The following SLC44A5 variants were observed in gnomAD, a reference collection of about 807,000 sequenced individuals.
SLC44A5 encodes the protein solute carrier family 44 member 5, also known as choline transporter-like protein 5.
Under a neutral mutation model 101.8 loss-of-function variants are expected in SLC44A5, and 57 were observed. That is an observed-to-expected ratio of 0.56 (90% CI 0.45 to 0.70). SLC44A5 has a LOEUF of 0.70. Among genes scored for constraint, SLC44A5 ranks in the 30% least tolerant of loss-of-function variants. The pLI, the probability that SLC44A5 is intolerant of heterozygous loss-of-function variation, is 0.00. For synonymous variants in SLC44A5, 281 were observed against 290.9 expected (o/e 0.97, Z 0.35); for missense variants, 737 against 853.1 (o/e 0.86, Z 1.70).
intron 2 of SLC44A5, among the ~76,000 whole-genome samples, chr1:75,535,173 T>A (rs761229076): frequency 6.6e-6 from 1 of 152,156 alleles, no homozygotes; most frequent in Admixed American, 6.5e-5. Context: ...GCAGTTCTGT[T>A]ACTTCACAGA....
intron 3 of SLC44A5, among the ~76,000 whole-genome samples, chr1:75,365,539 A>G (rs1227047974): frequency 6.6e-6 from 1 of 152,234 alleles, no homozygotes; most frequent in Non-Finnish European, 1.5e-5. Context: ...ATTACTGGGT[A>G]TATACCCAAA....
chr1:75,511,429 C>G (rs1266709811), intron 2 of SLC44A5, among the ~76,000 whole-genome samples: 1 of 152,102 alleles, frequency 6.6e-6, no homozygotes, highest in Non-Finnish European at 1.5e-5. Flanking sequence ...TGAATAAACA[C>G]AGCTACGATA....
intron 2 of SLC44A5, 72 bp downstream of exon 2, chr1:75,541,363 A>G: frequency 8.8e-7 from 1 of 1,130,384 alleles, no homozygotes; most frequent in Admixed American, 1.8e-5. Flanking sequence ...GTCCTTATTT[A>G]ATATTAAATA....
At chr1:75,306,789 C>T (rs1467211457) in intron 4 of SLC44A5, among the ~76,000 whole-genome samples, 2 of 130,730 alleles carry the variant, frequency 1.5e-5, no homozygotes, top group East Asian at 2.4e-4. Context: ...GGCGGGAGTG[C>T]AGTGGAGCAA....
chr1:75,308,707 G>T (rs897851364), intron 4 of SLC44A5, among the ~76,000 whole-genome samples: 1 of 152,130 alleles, frequency 6.6e-6, no homozygotes, highest in African/African-American at 2.4e-5. Flanking sequence ...AGGTTGAAGG[G>T]AATTCATATC....
In SLC44A5 at chr1:75,355,582, A is replaced by G. The variant is rs1439723778; in HGVS notation, c.53-15952T>C. Among the ~76,000 whole-genome samples, 3 of 152,200 alleles carry G rather than the reference A, an allele frequency of 2.0e-5. No individual in the cohort carries two copies. The East Asian group carries it at 5.8e-4, about 29-fold the overall frequency. On this transcript the variant is annotated intron_variant, in intron 3 of 23. Transcript: ENST00000370859. ...CAAAGAGGTCCTCAATAAAAATTAG[A>G]GTTATGCATCACATAATGATGCTTC... is the stretch of plus-strand genomic sequence containing the variant.
chr1:75,585,534 A>C (rs1379130999), intron 1 of SLC44A5, among the ~76,000 whole-genome samples: 1 of 152,206 alleles, frequency 6.6e-6, no homozygotes, highest in Non-Finnish European at 1.5e-5. Context: ...GTCTGAGGCA[A>C]GACCTGGACA....
chr1:75,701,336 G>A, the SLC44A5 span, among the ~76,000 whole-genome samples: 1 of 152,224 alleles, frequency 6.6e-6, no homozygotes, highest in Non-Finnish European at 1.5e-5. Flanking sequence ...TCCCTGGGAT[G>A]TGAGGCTGGT....
rs370934557 is a variant in SLC44A5, at chr1:75,518,809, G to C, written c.13+22626C>G. On this transcript the variant is annotated intron_variant, in intron 2 of 23. Transcript: ENST00000370859. ...GATGTCCAGACTAGGAAAATCAACA[G>C]AGAGAGTCAGATTAGTAGTTGCCTA... Among the ~76,000 whole-genome samples the C allele has an allele frequency of 7.2e-4, 109 of 152,298 alleles. 2 individuals carry two copies. Among genetic ancestry groups the C allele is most frequent in the African/African-American group, 2.5e-3 (103 of 41,566 alleles).
intron 5 of SLC44A5, among the ~76,000 whole-genome samples, chr1:75,292,324 C>T (rs900149098): frequency 1.1e-4 from 16 of 152,156 alleles, no homozygotes; most frequent in African/African-American, 3.6e-4. Context: ...TCCTAAAAAT[C>T]GATACAATGT....
At chr1:75,510,764 C>A (rs1669520330) in intron 2 of SLC44A5, among the ~76,000 whole-genome samples, 1 of 152,062 alleles carries the variant, frequency 6.6e-6, no homozygotes, top group African/African-American at 2.4e-5. Context: ...GATAAAAGTC[C>A]CTGTTTGAGA....
At chr1:75,709,044 T>C in the SLC44A5 span, among the ~76,000 whole-genome samples, 1 of 152,202 alleles carries the variant, frequency 6.6e-6, no homozygotes, top group Non-Finnish European at 1.5e-5. Flanking sequence ...TCCCGGATAC[T>C]GATGAGTTGT....
At chr1:75,415,604 G>T (rs568151205) in intron 2 of SLC44A5, among the ~76,000 whole-genome samples, 2 of 152,230 alleles carry the variant, frequency 1.3e-5, no homozygotes, top group Non-Finnish European at 2.9e-5. Flanking sequence ...ACAGGCAGAG[G>T]TTGAAACAGT....
intron 1 of SLC44A5, among the ~76,000 whole-genome samples, chr1:75,591,969 C>T (rs1306851450): frequency 1.3e-5 from 2 of 152,082 alleles, no homozygotes; most frequent in Admixed American, 1.3e-4. Context: ...AGATATGGGA[C>T]ATGACAAGGA....
At chr1:75,255,045 C>G (rs901011504) in intron 6 of SLC44A5, among the ~76,000 whole-genome samples, 14 of 152,110 alleles carry the variant, frequency 9.2e-5, no homozygotes, top group African/African-American at 3.1e-4. Flanking sequence ...AAAGCCAGTG[C>G]CTGACATCCA....
intron 12 of SLC44A5, among the ~76,000 whole-genome samples, chr1:75,231,930 T>C (rs1242054545): frequency 6.6e-6 from 1 of 152,214 alleles, no homozygotes; most frequent in East Asian, 1.9e-4. Flanking sequence ...CTGCTCAGTA[T>C]GACACATCCA....
the SLC44A5 span, among the ~76,000 whole-genome samples, chr1:75,678,763 A>T: frequency 2.0e-4 from 30 of 152,236 alleles, no homozygotes; most frequent in East Asian, 5.4e-3. Context: ...CTGCACGGAG[A>T]ATGACTTTGA....
At chr1:75,444,458 A>G (rs1161300226) in intron 2 of SLC44A5, among the ~76,000 whole-genome samples, 1 of 115,060 alleles carries the variant, frequency 8.7e-6, no homozygotes, top group Admixed American at 8.4e-5. Flanking sequence ...AAAGAAAGAA[A>G]AAGAAAAAAA....
the SLC44A5 span, among the ~76,000 whole-genome samples, chr1:75,670,065 G>A: frequency 0.043 from 6,476 of 152,080 alleles, 186 homozygotes; most frequent in African/African-American, 0.087. Context: ...TGAGCAAATA[G>A]AATTAATGAT....
Sources: allele counts gnomAD v4.1 joint callset (sites outside exome capture counted in the v4.1 genomes callset), GRCh38; gene constraint gnomAD v4.1.1; transcripts MANE v1.5; gene names NCBI Gene and HGNC (gene_info 2026-07-23, HGNC 2026-07-21).